Variants in EGFLAM observed in about 807,000 individuals in gnomAD.
The protein encoded by EGFLAM is pikachurin.
Under a neutral mutation model 113.1 loss-of-function variants are expected in EGFLAM, and 79 were observed. The ratio of observed to expected loss-of-function variants is 0.70; its 90% confidence interval spans 0.58 to 0.84. The LOEUF (loss-of-function observed/expected upper bound fraction) is 0.84, where lower values mean the gene tolerates loss of function less well. Ranked by LOEUF, EGFLAM falls within the 40% of genes least tolerant of loss-of-function variation. The pLI is 0.00. For synonymous variants in EGFLAM, 504 were observed against 487.6 expected, an observed-to-expected ratio of 1.03 and a Z score of -0.44; for missense variants, 1,265 against 1,291.6, an observed-to-expected ratio of 0.98 and a Z score of 0.32.
chr5:38,415,180 G>A (rs1741602346), intron 11 of EGFLAM, among the ~76,000 whole-genome samples: 1 of 151,068 alleles, frequency 6.6e-6, no homozygotes, highest in Admixed American at 6.6e-5. Flanking sequence ...TGGCCAACAT[G>A]TGAAACCTTG....
At chr5:38,388,924 A>C (rs1029519738) in intron 6 of EGFLAM, among the ~76,000 whole-genome samples, 2 of 94,572 alleles carry the variant, frequency 2.1e-5, no homozygotes, top group Non-Finnish European at 4.7e-5. Flanking sequence ...CAAGAAAAAA[A>C]AAAAAAAACA....
intron 1 of EGFLAM, among the ~76,000 whole-genome samples, chr5:38,321,769 C>T (rs1479706221): frequency 6.6e-6 from 1 of 152,184 alleles, no homozygotes; most frequent in Admixed American, 6.5e-5. Flanking sequence ...TACAACCCAG[C>T]TGAGCCCAGT....
At chr5:38,329,255 C>T (rs1390648418) in intron 1 of EGFLAM, among the ~76,000 whole-genome samples, 2 of 151,606 alleles carry the variant, frequency 1.3e-5, no homozygotes, top group Non-Finnish European at 2.9e-5. Flanking sequence ...CACCACTGCA[C>T]TCCAGCCTGG....
chr5:38,343,771 C>T (rs1487028554), intron 3 of EGFLAM, among the ~76,000 whole-genome samples: 1 of 152,202 alleles, frequency 6.6e-6, no homozygotes, highest in African/African-American at 2.4e-5. Context: ...GCCACTAAGG[C>T]AACTGAGGCC....
chr5:38,302,412 G>A (rs997747047), intron 1 of EGFLAM, among the ~76,000 whole-genome samples: 10 of 152,038 alleles, frequency 6.6e-5, no homozygotes, highest in African/African-American at 2.2e-4. Context: ...ATGACCTTGG[G>A]CAAGTCTCTG....
At chr5:38,457,954 G>A (rs1157538610) in intron 19 of EGFLAM, among the ~76,000 whole-genome samples, 1 of 151,886 alleles carries the variant, frequency 6.6e-6, no homozygotes, top group East Asian at 1.9e-4. Context: ...TGGGGGGAGG[G>A]AAGAATGAGG....
chr5:38,318,978 G>T (rs1057202615), intron 1 of EGFLAM, among the ~76,000 whole-genome samples: 1 of 152,162 alleles, frequency 6.6e-6, no homozygotes, highest in Admixed American at 6.5e-5. Context: ...TAGAAGGCTG[G>T]TTGGAGATGT....
At chr5:38,263,431 C>T (rs964829) in intron 1 of EGFLAM, among the ~76,000 whole-genome samples, 7,229 of 152,210 alleles carry the variant, frequency 0.047, 259 homozygotes, top group South Asian at 0.084. Context: ...CACTGCACTC[C>T]ACCCTGGGTG....
chr5:38,445,651 T>C (rs1742683536), intron 17 of EGFLAM: 1 of 1,598,366 alleles, frequency 6.3e-7, no homozygotes, highest in Non-Finnish European at 8.5e-7. Context: ...TGACTCTCCC[T>C]GTTCTCTTTC....
rs138450995 is a variant in EGFLAM at position 38,448,320 on chromosome 5, G to A, written c.2484G>A (p.Glu828=). 43 of 1,614,152 alleles carry A rather than the reference G, an allele frequency of 2.7e-5. No homozygotes were observed. The African/African-American group carries it at 4.3e-4, about 16-fold the overall frequency. The change falls in exon 18 of 22, where the codon GAG becomes GAA. Residue 828 remains glutamate (E), a synonymous_variant. Transcript: ENST00000322350. The part of the protein sequence containing the change: ...HCQKAIIEAI[E]IPQFIGRSYL... ...TCCCAGCGATCATAGAAGCCATTGA[G>A]ATCCCGCAGTTTATCGGCCGCAGTT...
intron 19 of EGFLAM, among the ~76,000 whole-genome samples, chr5:38,454,766 T>G (rs890745726): frequency 9.9e-5 from 15 of 152,268 alleles, no homozygotes; most frequent in African/African-American, 3.6e-4. Context: ...GATAATAAAA[T>G]ATAGTCCCAA....
intron 6 of EGFLAM, among the ~76,000 whole-genome samples, chr5:38,390,125 C>T (rs2112085149): frequency 6.6e-6 from 1 of 152,260 alleles, no homozygotes; most frequent in African/African-American, 2.4e-5. Context: ...ACACTATTCC[C>T]TTCCCGCTTC....
chr5:38,412,292 C>T (rs1741505780), intron 10 of EGFLAM, among the ~76,000 whole-genome samples: 1 of 152,090 alleles, frequency 6.6e-6, no homozygotes, highest in South Asian at 2.1e-4. Context: ...GTCCTATGGG[C>T]AGATGAAAGA....
chr5:38,314,460 A>G (rs1014532682), intron 1 of EGFLAM, among the ~76,000 whole-genome samples: 6 of 152,146 alleles, frequency 3.9e-5, no homozygotes, highest in Non-Finnish European at 7.3e-5. Context: ...TGGGCAGTAG[A>G]CGTATGCAAA....
intron 3 of EGFLAM, among the ~76,000 whole-genome samples, chr5:38,348,383 A>G (rs1739528993): frequency 6.6e-6 from 1 of 152,156 alleles, no homozygotes; most frequent in Non-Finnish European, 1.5e-5. Context: ...TAGACGTAGC[A>G]GAGAAAGGGG....
chr5:38,387,203 C>T (rs917345814), intron 6 of EGFLAM, among the ~76,000 whole-genome samples: 1 of 152,158 alleles, frequency 6.6e-6, no homozygotes, highest in Non-Finnish European at 1.5e-5. Flanking sequence ...AAGTAGAAAC[C>T]CATCCTGCAG....
intron 3 of EGFLAM, among the ~76,000 whole-genome samples, chr5:38,341,987 A>G (rs1739350281): frequency 6.6e-6 from 1 of 151,574 alleles, no homozygotes; most frequent in Non-Finnish European, 1.5e-5. Context: ...TCATCAGGCA[A>G]TTTTTGTAAG....
At position 38,322,402 on chromosome 5, in the gene EGFLAM, G is replaced by A. The variant is rs748060762; in HGVS notation, c.98-15118G>A. Among the ~76,000 whole-genome samples, 9 of 152,290 alleles carry A rather than the reference G, an allele frequency of 5.9e-5. No individual in the cohort carries two copies. The South Asian group carries it at 1.9e-3, about 32-fold the overall frequency. On this transcript the variant is annotated intron_variant, in intron 1 of 21. Transcript: ENST00000322350. ...CTTTTGGCTTGGGACTCCACACTCC[G>A]CTCATGGGGAGAGGTGTGGCTAGAG...
intron 4 of EGFLAM, among the ~76,000 whole-genome samples, 193 bp from the exon 5 acceptor site, chr5:38,352,001 TTA>T (rs1450162339): frequency 6.6e-6 from 1 of 152,098 alleles, no homozygotes. Context: ...CAAGTTGTGA[TTA>T]TGTTTTTATA....
Sources: allele counts gnomAD v4.1 joint callset (sites outside exome capture counted in the v4.1 genomes callset), GRCh38; gene constraint gnomAD v4.1.1; transcripts MANE v1.5; gene names NCBI Gene and HGNC (gene_info 2026-07-23, HGNC 2026-07-21).